The following DYRK1A variants were observed in gnomAD, a reference collection of about 807,000 sequenced individuals.
The protein encoded by DYRK1A is dual specificity tyrosine phosphorylation regulated kinase 1A, also known as dual specificity tyrosine-phosphorylation-regulated kinase 1A.
In DYRK1A, 9 loss-of-function variants were observed where a neutral mutation model predicts 79.7. The ratio of observed to expected loss-of-function variants is 0.11; its 90% CI spans 0.07 to 0.20. The LOEUF (loss-of-function observed/expected upper bound fraction) is 0.20. Among genes scored for constraint, DYRK1A ranks in the 10% least tolerant of loss-of-function variants. The pLI, the probability that DYRK1A is intolerant of heterozygous loss-of-function variation, is 1.00. For synonymous variants in DYRK1A, 349 were observed against 329.7 expected, an observed-to-expected ratio of 1.06 and a Z score of -0.63; for missense variants, 622 against 956.0, an observed-to-expected ratio of 0.65 and a Z score of 4.61.
At chr21:37,457,033 CTTACTTAT>C (rs1365877386) in intron 2 of DYRK1A, among the ~76,000 whole-genome samples, 1,751 of 118,052 alleles carry the variant, frequency 0.015, 8 homozygotes, top group Middle Eastern at 0.026. Context: ...TACTTACTTA[CTTACTTAT>C]TTATTTATTT....
intron 11 of DYRK1A, among the ~76,000 whole-genome samples, chr21:37,507,482 C>G (rs935508861): frequency 6.6e-6 from 1 of 152,112 alleles, no homozygotes; most frequent in Non-Finnish European, 1.5e-5. Flanking sequence ...TTTGCTTGTT[C>G]CACTTAGGTC....
At chr21:37,379,213 G>A (rs562671875) in intron 1 of DYRK1A, among the ~76,000 whole-genome samples, 3 of 152,160 alleles carry the variant, frequency 2.0e-5, no homozygotes, top group African/African-American at 4.8e-5. Flanking sequence ...TGGGTTGGAG[G>A]GAGGTGACAC....
In DYRK1A at chr21:37,437,012, G is replaced by A. The variant is rs373077437; in HGVS notation, c.10+16628G>A. 2.8e-3 allele frequency among the ~76,000 whole-genome samples: 426 copies of A among 152,300 alleles called. 4 individuals are homozygous for A. In the Middle Eastern group the frequency reaches 0.044, roughly 16 times the overall value. ...AAATGGTATTTCATATGGTCTTGAGGAATGGGCAGTATTTTAACAGGTGAT... is the reference window on the plus strand; with the variant it reads ...AAATGGTATTTCATATGGTCTTGAGAAATGGGCAGTATTTTAACAGGTGAT... On this transcript the variant is annotated intron_variant, in intron 2 of 11. Coordinates refer to ENST00000647188, the MANE Select transcript of DYRK1A (RefSeq NM_001347721.2).
At chr21:37,502,008 T>A (rs989649985) in intron 9 of DYRK1A, 1 of 152,242 alleles carries the variant, frequency 6.6e-6, no homozygotes, top group African/African-American at 2.4e-5. Flanking sequence ...TAGTCATGTT[T>A]GTCTTTAAGT....
rs1357233762 is a variant in DYRK1A at position 37,514,353 on chromosome 21, CT to C, written c.*1826del. 6.6e-6 allele frequency: 1 copy of C among 152,618 alleles called. No homozygotes were observed. Among genetic ancestry groups the C allele is most frequent in the Non-Finnish European group, 1.5e-5 (1 of 68,046 alleles). The allele number at this position is 152,618 out of a possible 1,614,324, so 9.5% of individuals were successfully genotyped here. Reference sequence around the variant, plus strand: ...AATTGACCAATTTTGGGGTGTGACACTTTTGAGCGGTTGAATTGGGAGAATG... The same window carrying C: ...AATTGACCAATTTTGGGGTGTGACACTTTGAGCGGTTGAATTGGGAGAATG... On this transcript the variant is annotated 3_prime_UTR_variant, in exon 12 of 12. Coordinates refer to ENST00000647188, the MANE Select transcript of DYRK1A (RefSeq NM_001347721.2).
At chr21:37,443,205 A>G (rs1201513866) in intron 2 of DYRK1A, among the ~76,000 whole-genome samples, 1 of 151,938 alleles carries the variant, frequency 6.6e-6, no homozygotes, top group Non-Finnish European at 1.5e-5. Context: ...GCTGAAGTGC[A>G]TTGGTGCAAT....
rs1474322396 is a variant in DYRK1A at position 37,520,502 on chromosome 21, T to C, written c.*7971T>C. 6.6e-6 allele frequency: 1 copy of C among 152,228 alleles called. No homozygotes were observed. Among genetic ancestry groups the C allele is most frequent in the Non-Finnish European group, 1.5e-5 (1 of 68,042 alleles). The allele number at this position is 152,228 out of a possible 1,614,324, so 9.4% of individuals were successfully genotyped here. A position where few individuals can be genotyped will look rare whatever the true frequency, so the allele number is the denominator to read the frequency against. On this transcript the variant is annotated 3_prime_UTR_variant, in exon 12 of 12. Coordinates refer to ENST00000647188, the MANE Select transcript of DYRK1A (RefSeq NM_001347721.2). ...GGGTTCTCTCAGTATTAGCCTGTTA[T>C]TCCTAAAGTATCATCCTCTCCTTGT... is the stretch of plus-strand genomic sequence containing the variant.
chr21:37,419,238 G>A (rs1174099795), intron 1 of DYRK1A: 1 of 152,150 alleles, frequency 6.6e-6, no homozygotes, highest in Non-Finnish European at 1.5e-5. Flanking sequence ...GGCAATAGGA[G>A]CTTTGTATAG....
chr21:37,475,439 A>G (rs2052363318), intron 3 of DYRK1A, among the ~76,000 whole-genome samples: 1 of 152,222 alleles, frequency 6.6e-6, no homozygotes, highest in Admixed American at 6.5e-5. Context: ...GTATAGATAT[A>G]TAAGTAGGTA....
chr21:37,378,649 T>C (rs2049596604), intron 1 of DYRK1A, among the ~76,000 whole-genome samples: 1 of 152,248 alleles, frequency 6.6e-6, no homozygotes, highest in Non-Finnish European at 1.5e-5. Flanking sequence ...CTTGTTCTTC[T>C]TCAATTGAGT....
At position 37,501,174 on chromosome 21, in the gene DYRK1A, T is replaced by G. The variant is rs1245919334; in HGVS notation, c.1213-4109T>G. On this transcript the variant is annotated intron_variant, in intron 9 of 11. Transcript: ENST00000647188. ...TTTTTTTGTTGTTGTTGGTTTTTTT[T>G]TTTTTTTTTTTTTTTAAGACGGAGT... Among the ~76,000 whole-genome samples the G allele has an allele frequency of 4.2e-5, 6 of 142,374 alleles. No homozygotes were observed. The East Asian group carries it at 9.8e-4, about 23-fold the overall frequency. The allele number at this position is 142,374 out of a possible 152,430, so 93.4% of individuals were successfully genotyped here. A position where few individuals can be genotyped will look rare whatever the true frequency, so the allele number is the denominator to read the frequency against.
chr21:37,497,560 A>G (rs1045797233), intron 9 of DYRK1A, among the ~76,000 whole-genome samples: 1 of 152,212 alleles, frequency 6.6e-6, no homozygotes, highest in East Asian at 1.9e-4. Context: ...ATTAGCATGG[A>G]GAGGAAATTA....
chr21:37,455,011 G>A (rs1335585259), intron 2 of DYRK1A, among the ~76,000 whole-genome samples: 2 of 147,442 alleles, frequency 1.4e-5, no homozygotes, highest in African/African-American at 5.1e-5. Flanking sequence ...TTATTCAGGG[G>A]TGGTCACCTT....
rs765046647 is a variant in DYRK1A, at chr21:37,506,120, A to T, written c.1541A>T (p.Asn514Ile). 1 of 1,612,586 alleles carries T rather than the reference A, an allele frequency of 6.2e-7. No individual in the cohort carries two copies. Among genetic ancestry groups the T allele is most frequent in the Non-Finnish European group, 8.5e-7 (1 of 1,178,730 alleles). The change falls in exon 11 of 12, where the codon AAC becomes ATC. Residue 514 changes from asparagine (N) to isoleucine (I), a missense_variant. Asn to Ile is a moderately radical substitution (Grantham distance 149). This residue lies in a region of DYRK1A where 292 missense variants were observed against 316.7 expected (regional missense o/e 0.92). Coordinates refer to ENST00000647188, the MANE Select transcript of DYRK1A (RefSeq NM_001347721.2). ...TCAGGTGGCTCATCGGGGACAAGCAACAGTGGGAGAGCCCGGTCGGATCCG... is the reference window on the plus strand; with the variant it reads ...TCAGGTGGCTCATCGGGGACAAGCATCAGTGGGAGAGCCCGGTCGGATCCG... Reference protein sequence around the residue: ...SSSGGSSGTSNSGRARSDPTH... With the variant: ...SSSGGSSGTSISGRARSDPTH...
intron 11 of DYRK1A, 92 bp downstream of exon 11, chr21:37,506,315 A>G (rs2053597704): frequency 6.2e-7 from 1 of 1,609,870 alleles, no homozygotes; most frequent in African/African-American, 1.3e-5. Context: ...TGACCGTATC[A>G]TTTACCCTAG....
intron 1 of DYRK1A, among the ~76,000 whole-genome samples, chr21:37,368,362 C>T (rs967423171): frequency 6.6e-6 from 1 of 152,226 alleles, no homozygotes. Context: ...CCCACTCTCG[C>T]TTCGGAGCCA....
intron 8 of DYRK1A, among the ~76,000 whole-genome samples, chr21:37,493,390 A>T (rs2053160829): frequency 6.6e-6 from 1 of 152,248 alleles, no homozygotes; most frequent in Non-Finnish European, 1.5e-5. Context: ...GAGAACAGTT[A>T]GAAAGTGTTA....
At position 37,505,314 on chromosome 21, in the gene DYRK1A, A is replaced by C. The variant is rs758520806; in HGVS notation, c.1244A>C (p.His415Pro). The C allele has an allele frequency of 6.2e-7, 1 of 1,613,818 alleles. No individual in the cohort carries two copies. The highest frequency in any genetic ancestry group is 8.5e-7 in the Non-Finnish European group (1 of 1,179,838). Reference protein sequence around the residue: ...EYKPPGTRKLHNILGVETGGP... With the variant: ...EYKPPGTRKLPNILGVETGGP... ...AAACCACCAGGAACCCGTAAACTTC[A>C]TAACATTCTTGGAGTGGAAACAGGA... The change falls in exon 10 of 12, where the codon CAT (histidine) becomes CCT (proline). Residue 415 changes from histidine (H) to proline (P), a missense_variant. By Grantham distance (77) the His-to-Pro change is moderately conservative. This residue lies in a region of DYRK1A where 80 missense variants were observed against 116.5 expected (regional missense o/e 0.69). Coordinates refer to ENST00000647188, the MANE Select transcript of DYRK1A (RefSeq NM_001347721.2).
intron 3 of DYRK1A, among the ~76,000 whole-genome samples, chr21:37,474,970 CAGG>C (rs1378387215): frequency 6.6e-6 from 1 of 152,102 alleles, no homozygotes; most frequent in African/African-American, 2.4e-5. Flanking sequence ...TATAGGAAAA[CAGG>C]AGGTAAATAT....
Sources: gnomAD v4.1 joint callset for allele counts (sites outside exome capture counted in the v4.1 genomes callset) on GRCh38, gnomAD v4.1.1 for gene constraint, gnomAD v4.1.1 regional missense constraint, MANE v1.5 for transcripts, NCBI Gene and HGNC (gene_info 2026-07-23, HGNC 2026-07-21) for gene names.